MAP4K4: variants seen among roughly 807,000 people sequenced by gnomAD.
The protein encoded by MAP4K4 is mitogen-activated protein kinase kinase kinase kinase 4, also known as HPK/GCK-like kinase HGK.
A neutral mutation model predicts 189.6 loss-of-function variants in MAP4K4; 38 were observed. That is an observed-to-expected ratio of 0.20 (90% confidence interval 0.15 to 0.26). MAP4K4 has a LOEUF of 0.26. MAP4K4 is among the 10% of genes least tolerant of loss of function. The pLI is 1.00. For synonymous variants in MAP4K4, 610 were observed against 624.3 expected, an observed-to-expected ratio of 0.98 and a Z score of 0.34; for missense variants, 1,054 against 1,726.9, an observed-to-expected ratio of 0.61 and a Z score of 6.91.
Position 101,700,362 on chromosome 2 carries a change from C to T in MAP4K4, c.123+1824C>T, listed in dbSNP as rs2037714414. ...AACTAGGTTTGCTGAGCGCTAGCTA[C>T]GTTTGGTAGGTATTTGGGATACTGG... On this transcript the variant is annotated intron_variant, in intron 2 of 32. Coordinates refer to ENST00000324219, the Ensembl canonical transcript of MAP4K4. Among the ~76,000 whole-genome samples the T allele has an allele frequency of 2.6e-5, 4 of 152,302 alleles. No individual in the cohort carries two copies. The South Asian group carries it at 8.3e-4, about 32-fold the overall frequency.
At chr2:101,859,757 C>T in exon 15 of MAP4K4, 5 of 1,611,102 alleles carry the variant, frequency 3.1e-6, no homozygotes, top group Non-Finnish European at 4.2e-6. Context: ...GAGGCCGCAC[C>T]CGCAGCACTC....
chr2:101,731,406 GC>G (rs1215929386), intron 2 of MAP4K4, among the ~76,000 whole-genome samples: 1 of 151,952 alleles, frequency 6.6e-6, no homozygotes, highest in Non-Finnish European at 1.5e-5. Context: ...GTGAGCCACT[GC>G]CCCTGGCCGA....
chr2:101,726,100 G>GGATA (rs1434550208), intron 2 of MAP4K4, among the ~76,000 whole-genome samples: 1 of 152,090 alleles, frequency 6.6e-6, no homozygotes, highest in Non-Finnish European at 1.5e-5. Flanking sequence ...CTTTGGCTTG[G>GGATA]GATAACTCAT....
exon 33 of MAP4K4, chr2:101,892,956 T>G (rs914883511): frequency 5.7e-5 from 26 of 456,300 alleles, no homozygotes; most frequent in Non-Finnish European, 1.1e-4. Context: ...TGCTTTAACC[T>G]CAGTCATCAA....
intron 26 of MAP4K4, among the ~76,000 whole-genome samples, chr2:101,874,565 G>A (rs187584365): frequency 2.0e-5 from 3 of 152,238 alleles, no homozygotes; most frequent in East Asian, 1.9e-4. Context: ...GTAACCATCA[G>A]CCCATTATAC....
chr2:101,871,638 C>T (rs773112668), exon 24 of MAP4K4: 3 of 1,536,820 alleles, frequency 2.0e-6, no homozygotes, highest in Non-Finnish European at 2.6e-6. Flanking sequence ...CCAGCCGACA[C>T]CCACCATGTC....
intron 2 of MAP4K4, among the ~76,000 whole-genome samples, chr2:101,778,495 A>C (rs1481575197): frequency 6.8e-6 from 1 of 147,416 alleles, no homozygotes; most frequent in African/African-American, 2.5e-5. Flanking sequence ...CTTGTGGGGG[A>C]GGGGGTGGCG....
Position 101,869,803 on chromosome 2 carries a change from TC to T in MAP4K4, c.2639+10del. ...CCAGAGGACACCAGAGCAGCGTCAG[TC>T]CCCGGTCTCTTTTAGAGCGGATGAG... On this transcript the variant is annotated splice_region_variant and intron_variant, in intron 22 of 32. Coordinates refer to ENST00000324219, the Ensembl canonical transcript of MAP4K4. 2 of 1,539,836 alleles carry T rather than the reference TC, an allele frequency of 1.3e-6. No individual in the cohort carries two copies. Among genetic ancestry groups the T allele is most frequent in the South Asian group, 2.5e-5 (2 of 81,540 alleles).
At chr2:101,706,705 C>T (rs949042111) in intron 2 of MAP4K4, among the ~76,000 whole-genome samples, 2 of 152,296 alleles carry the variant, frequency 1.3e-5, no homozygotes, top group South Asian at 4.1e-4. Context: ...TGCCCCTGGA[C>T]CTGGCATGTA....
intron 2 of MAP4K4, among the ~76,000 whole-genome samples, chr2:101,714,878 T>TA (rs1004365305): frequency 6.6e-6 from 1 of 152,178 alleles, no homozygotes; most frequent in Non-Finnish European, 1.5e-5. Flanking sequence ...TTCTCATAGT[T>TA]AAAAAAACCA....
intron 6 of MAP4K4, 94 bp downstream of exon 6, chr2:101,829,688 C>G: frequency 2.5e-6 from 2 of 810,278 alleles, no homozygotes; most frequent in Non-Finnish European, 4.2e-6. Context: ...AAAGTTCAGT[C>G]TTACCCATGT....
At chr2:101,831,036 G>T (rs1020045336) in intron 6 of MAP4K4, among the ~76,000 whole-genome samples, 11 of 152,154 alleles carry the variant, frequency 7.2e-5, no homozygotes, top group Admixed American at 7.2e-4. Flanking sequence ...TGGGTTAATG[G>T]CAGTGTGCGT....
At chr2:101,823,803 A>T (rs976962826) in intron 3 of MAP4K4, 125 bp from the exon 4 acceptor site, 1 of 736,248 alleles carries the variant, frequency 1.4e-6, no homozygotes, top group Non-Finnish European at 2.1e-6. Flanking sequence ...AAGTGAATGT[A>T]TATGTGCCTC....
chr2:101,811,043 T>C (rs931885049), intron 3 of MAP4K4, among the ~76,000 whole-genome samples: 1 of 152,164 alleles, frequency 6.6e-6, no homozygotes, highest in Non-Finnish European at 1.5e-5. Flanking sequence ...AACAGACTTA[T>C]TTTATTTTAC....
chr2:101,805,870 T>A (rs2094877678), intron 3 of MAP4K4, among the ~76,000 whole-genome samples: 1 of 152,204 alleles, frequency 6.6e-6, no homozygotes, highest in Non-Finnish European at 1.5e-5. Flanking sequence ...GTTTGGCCTG[T>A]GTCTCACTGC....
chr2:101,893,604 A>G (rs2098596600), exon 33 of MAP4K4: 1 of 178,860 alleles, frequency 5.6e-6, no homozygotes, highest in Non-Finnish European at 1.2e-5. Flanking sequence ...CTTTGAAGAA[A>G]TGCTCAATGT....
intron 3 of MAP4K4, among the ~76,000 whole-genome samples, chr2:101,822,447 G>T (rs1272184778): frequency 6.6e-6 from 1 of 152,186 alleles, no homozygotes; most frequent in Non-Finnish European, 1.5e-5. Flanking sequence ...GCCATCTTGA[G>T]AATTACTATT....
intron 2 of MAP4K4, among the ~76,000 whole-genome samples, chr2:101,756,800 C>A (rs1424037710): frequency 6.7e-6 from 1 of 149,934 alleles, no homozygotes; most frequent in Non-Finnish European, 1.5e-5. Flanking sequence ...CTCCTGGGCT[C>A]AAGTGATCTG....
chr2:101,768,964 G>A (rs905446184), intron 2 of MAP4K4, among the ~76,000 whole-genome samples: 8 of 152,180 alleles, frequency 5.3e-5, no homozygotes, highest in East Asian at 1.9e-4. Context: ...AACTGTAGTG[G>A]TGTTTAGTTT....
Sources: gnomAD v4.1 joint callset for allele counts (sites outside exome capture counted in the v4.1 genomes callset) on GRCh38, gnomAD v4.1.1 for gene constraint, MANE v1.5 for transcripts, NCBI Gene and HGNC (gene_info 2026-07-23, HGNC 2026-07-21) for gene names.